Variants in TAGLN2 observed in about 807,000 individuals in gnomAD.
TAGLN2 encodes the protein transgelin 2, also known as transgelin-2.
TAGLN2 carries 14 observed loss-of-function variants against 24.9 expected under a neutral mutation model. The observed-to-expected ratio is 0.56, with a 90% CI of 0.37 to 0.88. TAGLN2 has a LOEUF of 0.88. TAGLN2 is among the 40% of genes least tolerant of loss of function. The pLI, the probability that TAGLN2 is intolerant of heterozygous loss-of-function variation, is 0.00. For missense variants in TAGLN2, 208 were observed against 258.9 expected (o/e 0.80, Z 1.35); for synonymous variants, 77 against 98.2 (o/e 0.78, Z 1.28).
intron 1 of TAGLN2, among the ~76,000 whole-genome samples, chr1:159,923,068 C>T (rs1375307043): frequency 6.6e-6 from 1 of 152,276 alleles, no homozygotes; most frequent in Non-Finnish European, 1.5e-5. Flanking sequence ...TCCCCACCCC[C>T]ACGGGCAGGC....
chr1:159,925,348 C>T (rs1215400490), intron 1 of TAGLN2, 102 bp downstream of exon 1: 1 of 152,266 alleles, frequency 6.6e-6, no homozygotes, highest in Non-Finnish European at 1.5e-5. Context: ...CTGGTACCAG[C>T]CCTTGATCCC....
chr1:159,918,623 G>T lies in TAGLN2; in HGVS notation c.*177C>A. 1 of 830,370 alleles carries T rather than the reference G, an allele frequency of 1.2e-6. No homozygotes were observed. The highest frequency in any genetic ancestry group is 1.9e-6 in the Non-Finnish European group (1 of 534,742). 51.4% of individuals were successfully genotyped at this position (830,370 alleles called of 1,614,324 possible). On this transcript the variant is annotated 3_prime_UTR_variant, in exon 5 of 5. Coordinates refer to ENST00000368097, the MANE Select transcript of TAGLN2 (RefSeq NM_003564.3). ...TATGGGGAAGGGAATGTATTAGTAAGCATGGGGGAGAGGATGCCAGCAGGC... is the reference window on the plus strand; with the variant it reads ...TATGGGGAAGGGAATGTATTAGTAATCATGGGGGAGAGGATGCCAGCAGGC...
Position 159,920,458 on chromosome 1 carries a change from T to C in TAGLN2, c.52A>G (p.Ile18Val), listed in dbSNP as rs375800429. The C allele has an allele frequency of 4.3e-6, 7 of 1,614,134 alleles. No homozygotes were observed. The African/African-American group carries it at 9.3e-5, about 22-fold the overall frequency. Residue 18 changes from isoleucine to valine, a missense_variant, in exon 2 of 5, where the codon ATT becomes GTT. Transcript: ENST00000368097. ...YGLSREVQQK[I>V]EKQYDADLEQ... ...AGATCTGCATCATATTGTTTCTCAA[T>C]CTTCTGCTGCACCTCCCGGCTCAGG... is the stretch of plus-strand genomic sequence containing the variant.
chr1:159,923,481 A>T (rs1294366450), intron 1 of TAGLN2: 1 of 1,549,180 alleles, frequency 6.5e-7, no homozygotes, highest in South Asian at 1.2e-5. Flanking sequence ...GGGTGGGGGC[A>T]GGGAGGACTT....
chr1:159,920,872 A>T (rs1199291355), intron 1 of TAGLN2, among the ~76,000 whole-genome samples: 1 of 152,148 alleles, frequency 6.6e-6, no homozygotes, highest in African/African-American at 2.4e-5. Context: ...AGGGATTGTG[A>T]AAGAGATAGT....
chr1:159,919,896 GC>G lies in TAGLN2; in HGVS notation c.181-62del. 5.7e-6 allele frequency: 9 copies of G among 1,566,258 alleles called. No homozygotes were observed. The South Asian group carries it at 8.0e-5, about 14-fold the overall frequency. On this transcript the variant is annotated intron_variant, in intron 2 of 4. Coordinates refer to ENST00000368097, the MANE Select transcript of TAGLN2 (RefSeq NM_003564.3). Reference sequence around the variant, plus strand: ...ATGCCTACCTATCGCAGCTCAGCGTGCACCACCCTCAGAACCAGAGACAATG... The same window carrying G: ...ATGCCTACCTATCGCAGCTCAGCGTGACCACCCTCAGAACCAGAGACAATG...
In TAGLN2 at chr1:159,920,483, G is replaced by A; in HGVS notation, c.27C>T (p.Gly9=). ...TCTTCTGCTGCACCTCCCGGCTCAG[G>A]CCATATGCAGGTCCCCTGTTGGCCA... The part of the protein sequence containing the change: MANRGPAY[G]LSREVQQKIE... Residue 9 remains glycine, a synonymous_variant, in exon 2 of 5, where the codon GGC becomes GGT. Coordinates refer to ENST00000368097, the MANE Select transcript of TAGLN2 (RefSeq NM_003564.3). 1 of 1,614,240 alleles carries A rather than the reference G, an allele frequency of 6.2e-7. No individual in the cohort carries two copies. The highest frequency in any genetic ancestry group is 8.5e-7 in the Non-Finnish European group (1 of 1,180,034).
chr1:159,919,615 C>A, intron 3 of TAGLN2, 46 bp downstream of exon 3: 1 of 1,601,700 alleles, frequency 6.2e-7, no homozygotes, highest in Non-Finnish European at 8.5e-7. Context: ...CCAGCCCAAT[C>A]TCTGGCCTCC....
At chr1:159,920,297 T>G (rs1282424001) in intron 2 of TAGLN2, 33 bp downstream of exon 2, 1 of 1,614,152 alleles carries the variant, frequency 6.2e-7, no homozygotes, top group East Asian at 2.2e-5. Flanking sequence ...CTGCTCTCCC[T>G]GCACTTCCAA....
intron 1 of TAGLN2, among the ~76,000 whole-genome samples, chr1:159,921,881 A>G (rs981130913): frequency 6.6e-6 from 1 of 152,198 alleles, no homozygotes; most frequent in Non-Finnish European, 1.5e-5. Context: ...GGAGCCAAGA[A>G]CCAAGAATGG....
At chr1:159,925,385 G>T (rs1472430492) in intron 1 of TAGLN2, 65 bp downstream of exon 1, 6 of 152,268 alleles carry the variant, frequency 3.9e-5, no homozygotes, top group Admixed American at 2.6e-4. Context: ...AGTTCAAAGC[G>T]CTGGCTTCTT....
At chr1:159,921,756 G>A (rs376343375) in intron 1 of TAGLN2, among the ~76,000 whole-genome samples, 39 of 152,336 alleles carry the variant, frequency 2.6e-4, no homozygotes, top group Admixed American at 7.8e-4. Flanking sequence ...GTGGTTTCCC[G>A]ACCAATGGCC....
At chr1:159,919,932 G>C in intron 2 of TAGLN2, 97 bp from the exon 3 acceptor site, 1 of 1,396,848 alleles carries the variant, frequency 7.2e-7, no homozygotes, top group Non-Finnish European at 9.9e-7. Context: ...GAACCAGAGA[G>C]GCTCCTGTCT....
chr1:159,923,381 G>C, intron 1 of TAGLN2: 1 of 1,538,666 alleles, frequency 6.5e-7, no homozygotes, highest in South Asian at 1.2e-5. Flanking sequence ...GCGGGAAACG[G>C]GGAGGGGCCA....
At chr1:159,919,510 C>T in intron 3 of TAGLN2, 134 bp from the exon 4 acceptor site, 1 of 1,314,572 alleles carries the variant, frequency 7.6e-7, no homozygotes, top group Non-Finnish European at 1.1e-6. Context: ...TCCATTCCAG[C>T]CTCCAATATG....
rs552686279 is a variant in TAGLN2 at position 159,920,442 on chromosome 1, T to A, written c.68A>T (p.Asp23Val). 15 of 1,614,240 alleles carry A rather than the reference T, an allele frequency of 9.3e-6. No homozygotes were observed. The Middle Eastern group carries it at 5.0e-4, about 53-fold the overall frequency. The change falls in exon 2 of 5, where the codon GAT (aspartate) becomes GTT (valine). Residue 23 changes from aspartate to valine, a missense_variant. Coordinates refer to ENST00000368097, the MANE Select transcript of TAGLN2 (RefSeq NM_003564.3). ...GATCAGGATCTGCTCCAGATCTGCA[T>A]CATATTGTTTCTCAATCTTCTGCTG... ...EVQQKIEKQYDADLEQILIQW... is the reference protein window; with the variant it reads ...EVQQKIEKQYVADLEQILIQW...
chr1:159,921,243 G>T (rs559714668), intron 1 of TAGLN2, among the ~76,000 whole-genome samples: 66 of 152,294 alleles, frequency 4.3e-4, no homozygotes, highest in African/African-American at 1.5e-3. Context: ...TGACAAAAAG[G>T]GACTTCGTAG....
At chr1:159,921,362 G>A (rs1037871234) in intron 1 of TAGLN2, among the ~76,000 whole-genome samples, 2 of 135,116 alleles carry the variant, frequency 1.5e-5, no homozygotes, top group Admixed American at 1.6e-4. Flanking sequence ...GAGTCAGAGT[G>A]GGAGAAGTAA....
At chr1:159,923,692 C>CTCTTTTAATG in intron 1 of TAGLN2, 1 of 463,122 alleles carries the variant, frequency 2.2e-6, no homozygotes, top group Non-Finnish European at 3.8e-6. Context: ...TTAAGGGAAC[C>CTCTTTTAATG]ACCGTAGGGC....
Sources: gnomAD v4.1 joint callset for allele counts (sites outside exome capture counted in the v4.1 genomes callset) on GRCh38, gnomAD v4.1.1 for gene constraint, MANE v1.5 for transcripts, NCBI Gene and HGNC (gene_info 2026-07-23, HGNC 2026-07-21) for gene names.